Variants in KAZN observed in about 807,000 individuals in gnomAD.
KAZN encodes the protein kazrin, periplakin interacting protein, also known as kazrin.
KAZN carries 40 observed loss-of-function variants against 87.4 expected under a neutral mutation model. That is an observed-to-expected ratio of 0.46 (90% confidence interval 0.36 to 0.60). The LOEUF is 0.60. Among genes scored for constraint, KAZN ranks in the 20% least tolerant of loss-of-function variants. The probability of loss-of-function intolerance (pLI) is 0.00; values close to 1 mark genes in which losing one functional copy is unlikely to be tolerated. For missense variants in KAZN, 898 were observed against 1,073.9 expected (o/e 0.84, Z 2.29); for synonymous variants, 466 against 458.3 (o/e 1.02, Z -0.22).
intron 2 of KAZN, among the ~76,000 whole-genome samples, chr1:14,510,769 G>A (rs958639718): frequency 2.6e-5 from 4 of 152,166 alleles, no homozygotes; most frequent in African/African-American, 7.2e-5. Context: ...GGCTTAGGGG[G>A]TGGCTGTGAG....
At chr1:14,887,178 CT>C (rs1654163500) in intron 1 of KAZN, among the ~76,000 whole-genome samples, 1 of 152,204 alleles carries the variant, frequency 6.6e-6, no homozygotes, top group Non-Finnish European at 1.5e-5. Flanking sequence ...TTCCCCTTAA[CT>C]GCCAAAGACC....
chr1:14,709,726 ATGTTGTTCC>A (rs1358846264), intron 1 of KAZN, among the ~76,000 whole-genome samples: 1 of 152,184 alleles, frequency 6.6e-6, no homozygotes, highest in African/African-American at 2.4e-5. Flanking sequence ...GTATGAACTC[ATGTTGTTCC>A]TGTCCTCCCC....
rs142266927 is a variant in KAZN at position 14,608,899 on chromosome 1, G to C, written c.226+9676G>C. On this transcript the variant is annotated intron_variant, in intron 1 of 14. Transcript: ENST00000376030. ...TGGCGTATTTGCTTTAATTTGGCAA[G>C]TGCAACCTGGAACACAGTGGGATTA... Among the ~76,000 whole-genome samples, 261 of 152,244 alleles carry C rather than the reference G, an allele frequency of 1.7e-3. 1 individual carries two copies. The highest frequency in any genetic ancestry group is 6.1e-3 in the African/African-American group (254 of 41,528).
chr1:15,106,610 G>A (rs1168976067), intron 13 of KAZN, among the ~76,000 whole-genome samples: 2 of 152,118 alleles, frequency 1.3e-5, no homozygotes, highest in Non-Finnish European at 2.9e-5. Context: ...CTTCAAGAAT[G>A]AGACGAAATC....
intron 2 of KAZN, among the ~76,000 whole-genome samples, chr1:14,984,616 A>G (rs748528825): frequency 1.3e-5 from 2 of 152,146 alleles, no homozygotes; most frequent in Non-Finnish European, 2.9e-5. Flanking sequence ...TAGTGCCCAC[A>G]TCTCTCTATT....
chr1:15,087,969 G>A (rs894818797), intron 8 of KAZN, among the ~76,000 whole-genome samples: 5 of 152,206 alleles, frequency 3.3e-5, no homozygotes, highest in African/African-American at 9.6e-5. Flanking sequence ...AATGTAAAAC[G>A]CTTCCGTGAG....
chr1:14,909,928 T>C lies in KAZN; in HGVS notation c.227-50756T>C, dbSNP rs149322160. ...GTTAGCCAGGCACGGTGGCGTGTGC[T>C]TGTAGTCCCAGCTACTCGGGAGGCT... On this transcript the variant is annotated intron_variant, in intron 1 of 14. Transcript: ENST00000376030. 1.9e-3 allele frequency among the ~76,000 whole-genome samples: 292 copies of C among 152,158 alleles called. 1 individual carries two copies. The highest frequency in any genetic ancestry group is 6.8e-3 in the African/African-American group (283 of 41,530).
chr1:14,512,902 C>G (rs1670993058), intron 2 of KAZN, among the ~76,000 whole-genome samples: 1 of 152,196 alleles, frequency 6.6e-6, no homozygotes, highest in Non-Finnish European at 1.5e-5. Context: ...CGGCTCTTCT[C>G]CTGCTGAGAG....
chr1:14,629,974 C>G (rs575415086), intron 1 of KAZN, among the ~76,000 whole-genome samples: 2 of 146,968 alleles, frequency 1.4e-5, no homozygotes, highest in African/African-American at 5.0e-5. Flanking sequence ...GCAGCATTTG[C>G]CAATTCCCAT....
chr1:14,101,956 C>T (rs1337865274), intron 1 of KAZN, among the ~76,000 whole-genome samples: 1 of 152,120 alleles, frequency 6.6e-6, no homozygotes, highest in African/African-American at 2.4e-5. Flanking sequence ...TCAAAGATCC[C>T]TCTTCCAGCA....
chr1:14,543,032 G>A (rs1000057781), intron 2 of KAZN, among the ~76,000 whole-genome samples: 1 of 152,154 alleles, frequency 6.6e-6, no homozygotes, highest in Non-Finnish European at 1.5e-5. Context: ...GTTTTCACAT[G>A]TTATTGGCTG....
chr1:15,100,519 G>A (rs563066691), intron 10 of KAZN, among the ~76,000 whole-genome samples: 116 of 152,298 alleles, frequency 7.6e-4, no homozygotes, highest in Non-Finnish European at 9.8e-4. Flanking sequence ...GGTGGGATGC[G>A]GTGATCCTCG....
At chr1:14,806,750 A>G (rs1303013948) in intron 1 of KAZN, among the ~76,000 whole-genome samples, 1 of 152,206 alleles carries the variant, frequency 6.6e-6, no homozygotes, top group Non-Finnish European at 1.5e-5. Flanking sequence ...GAGTAGCTTG[A>G]GAGGGGCTTA....
intron 1 of KAZN, among the ~76,000 whole-genome samples, chr1:13,994,808 C>T (rs1456511096): frequency 6.6e-6 from 1 of 152,118 alleles, no homozygotes; most frequent in African/African-American, 2.4e-5. Context: ...CTGTAAGATC[C>T]TTCCAAGGCT....
At chr1:14,740,832 G>A (rs536753449) in intron 1 of KAZN, among the ~76,000 whole-genome samples, 2 of 152,284 alleles carry the variant, frequency 1.3e-5, no homozygotes, top group South Asian at 2.1e-4. Flanking sequence ...ACCTTTGCTG[G>A]GCTTTGGGGA....
intron 4 of KAZN, among the ~76,000 whole-genome samples, chr1:15,050,700 T>G (rs1298726881): frequency 6.6e-6 from 1 of 152,148 alleles, no homozygotes; most frequent in African/African-American, 2.4e-5. Flanking sequence ...GTTCCTAGGC[T>G]GGGTCTGAAC....
chr1:14,127,359 G>C (rs991170974), intron 1 of KAZN, among the ~76,000 whole-genome samples: 1 of 149,652 alleles, frequency 6.7e-6, no homozygotes, highest in Non-Finnish European at 1.5e-5. Flanking sequence ...GCCTATATAT[G>C]TTTTCCAATA....
intron 2 of KAZN, among the ~76,000 whole-genome samples, chr1:14,581,589 C>A (rs954873249): frequency 2.6e-5 from 4 of 152,182 alleles, no homozygotes; most frequent in Admixed American, 2.6e-4. Flanking sequence ...TCAGTGTCCC[C>A]CATCTCACTC....
intron 1 of KAZN, among the ~76,000 whole-genome samples, chr1:14,681,793 C>G (rs1201350675): frequency 2.7e-5 from 4 of 145,560 alleles, no homozygotes; most frequent in African/African-American, 1.0e-4. Context: ...CGTTCTCCTG[C>G]CATTCTCCTG....
Sources: gnomAD v4.1 joint callset for allele counts (sites outside exome capture counted in the v4.1 genomes callset) on GRCh38, gnomAD v4.1.1 for gene constraint, MANE v1.5 for transcripts, NCBI Gene and HGNC (gene_info 2026-07-23, HGNC 2026-07-21) for gene names.